The following ZNF664 variants were observed in gnomAD, a reference collection of about 807,000 sequenced individuals.
ZNF664 encodes the protein zinc finger protein 664.
A neutral mutation model predicts 18.2 loss-of-function variants in ZNF664; 10 were observed. The ratio of observed to expected loss-of-function variants is 0.55; its 90% CI spans 0.34 to 0.93. ZNF664 has a LOEUF of 0.93. Ranked by LOEUF, ZNF664 falls within the 40% of genes least tolerant of loss-of-function variation. The probability of loss-of-function intolerance (pLI) is 0.02; values close to 1 mark genes in which losing one functional copy is unlikely to be tolerated. For missense variants in ZNF664, 193 were observed against 319.0 expected (o/e 0.61, Z 3.01); for synonymous variants, 119 against 104.2 (o/e 1.14, Z -0.86).
chr12:124,006,019 T>G (rs1957069669), intron 3 of ZNF664: 1 of 152,448 alleles, frequency 6.6e-6, no homozygotes, highest in Non-Finnish European at 1.5e-5. Context: ...GTAGTCGGCA[T>G]CTGCTGGCTG....
intron 3 of ZNF664, chr12:123,998,557 A>G (rs1447220017): frequency 6.6e-6 from 1 of 152,392 alleles, no homozygotes; most frequent in African/African-American, 2.4e-5. Context: ...TTATGTGGCC[A>G]CTTCACTTTG....
chr12:123,992,901 T>A (rs981630833), intron 3 of ZNF664, among the ~76,000 whole-genome samples: 3 of 151,936 alleles, frequency 2.0e-5, no homozygotes, highest in Non-Finnish European at 4.4e-5. Flanking sequence ...CTACTCTGAG[T>A]GAAACTCTTC....
intron 2 of ZNF664, among the ~76,000 whole-genome samples, chr12:123,987,031 A>G (rs1399695149): frequency 2.0e-5 from 3 of 152,230 alleles, no homozygotes; most frequent in Non-Finnish European, 4.4e-5. Context: ...GCCACTCAGC[A>G]TAGTCTACAG....
intron 3 of ZNF664, among the ~76,000 whole-genome samples, chr12:124,007,055 G>A (rs1047211939): frequency 2.0e-5 from 3 of 152,208 alleles, no homozygotes; most frequent in Non-Finnish European, 4.4e-5. Context: ...AGGCGAGTCT[G>A]TACTGGAGAT....
At chr12:123,992,993 A>G (rs756927989) in intron 3 of ZNF664, among the ~76,000 whole-genome samples, 2 of 152,178 alleles carry the variant, frequency 1.3e-5, no homozygotes, top group Non-Finnish European at 2.9e-5. Context: ...CACTTCTGTG[A>G]GTGATAAGCA....
At chr12:123,980,044 T>A (rs1189981489) in intron 2 of ZNF664, among the ~76,000 whole-genome samples, 1 of 152,198 alleles carries the variant, frequency 6.6e-6, no homozygotes, top group Admixed American at 6.5e-5. Flanking sequence ...TATGGATGTC[T>A]AGAATATACT....
intron 3 of ZNF664, among the ~76,000 whole-genome samples, chr12:123,992,541 TC>T (rs1220609796): frequency 1.3e-5 from 2 of 152,176 alleles, no homozygotes; most frequent in Non-Finnish European, 2.9e-5. Flanking sequence ...GGGAAGTTGT[TC>T]CTAGTATCAC....
intron 1 of ZNF664, chr12:123,973,612 C>CG (rs1264077530): frequency 2.3e-6 from 1 of 426,966 alleles, no homozygotes; most frequent in Non-Finnish European, 3.2e-6. Flanking sequence ...GGAGCGGGGC[C>CG]GGGGGGCGCA....
chr12:123,988,120 TTTTGATCCTG>T lies in ZNF664; in HGVS notation c.-677_-668del. ...CTGTTCTTCTGGAATGTCTTGGGGG[TTTTGATCCTG>T]TCACTGTGGTAAGTTTTCCCCTTGT... On this transcript the variant is annotated 5_prime_UTR_variant, in exon 3 of 5. The change abolishes the stop of an existing upstream ORF in the 5' untranslated region. Coordinates refer to ENST00000337815, the MANE Select transcript of ZNF664 (RefSeq NM_152437.3). 1 of 1,231,532 alleles carries T rather than the reference TTTTGATCCTG, an allele frequency of 8.1e-7. No homozygotes were observed. Among genetic ancestry groups the T allele is most frequent in the Non-Finnish European group, 1.0e-6 (1 of 987,850 alleles). 76.3% of individuals were successfully genotyped at this position (1,231,532 alleles called of 1,614,324 possible).
rs1320991409 is a variant in ZNF664 at position 123,973,245 on chromosome 12, G to A, written c.-999G>A. ...GTCCCCCGGAGGCGTCTGGGTGTGC[G>A]GAGCGCGCGCGCGCGCGGCTCGGAG... On this transcript the variant is annotated 5_prime_UTR_variant, in exon 1 of 5. Coordinates refer to ENST00000337815, the MANE Select transcript of ZNF664 (RefSeq NM_152437.3). The A allele has an allele frequency of 2.0e-6, 2 of 992,004 alleles. No homozygotes were observed. The highest frequency in any genetic ancestry group is 2.4e-6 in the Non-Finnish European group (2 of 836,504). 61.5% of individuals were successfully genotyped at this position (992,004 alleles called of 1,614,324 possible). A position where few individuals can be genotyped will look rare whatever the true frequency, so the allele number is the denominator to read the frequency against.
rs11836541 is a variant in ZNF664 at position 123,975,699 on chromosome 12, A to G, written c.-757+1679A>G. Among the ~76,000 whole-genome samples the G allele has an allele frequency of 1.8e-3, 280 of 152,364 alleles. 3 individuals are homozygous for G. The highest frequency in any genetic ancestry group is 6.3e-3 in the African/African-American group (261 of 41,582). ...CCAAAGTGTTGGGATTACAGGTGTGAGCCACTGTGCCCAGCCCCTAGTGGT... is the reference window on the plus strand; with the variant it reads ...CCAAAGTGTTGGGATTACAGGTGTGGGCCACTGTGCCCAGCCCCTAGTGGT... On this transcript the variant is annotated intron_variant, in intron 2 of 4. Transcript: ENST00000337815.
intron 2 of ZNF664, among the ~76,000 whole-genome samples, chr12:123,986,695 C>T (rs1163092249): frequency 6.6e-6 from 1 of 152,192 alleles, no homozygotes; most frequent in Admixed American, 6.5e-5. Context: ...GATGTCTGCA[C>T]TTGGTCTCAG....
intron 3 of ZNF664, among the ~76,000 whole-genome samples, chr12:124,008,192 C>CT (rs1166552546): frequency 5.9e-5 from 9 of 152,080 alleles, no homozygotes; most frequent in African/African-American, 2.2e-4. Context: ...TGTAGAGTGG[C>CT]TCACCTTTTG....
chr12:123,984,224 A>G (rs905213858), intron 2 of ZNF664, among the ~76,000 whole-genome samples: 2 of 152,214 alleles, frequency 1.3e-5, no homozygotes, highest in African/African-American at 4.8e-5. Context: ...CCAACTGATA[A>G]TACTGGGTTT....
chr12:124,005,039 C>T (rs1028747491), intron 3 of ZNF664: 2 of 153,202 alleles, frequency 1.3e-5, no homozygotes, highest in African/African-American at 2.4e-5. Context: ...AAACCATCAC[C>T]CCTGCCCCCA....
At chr12:124,010,581 G>A (rs1444503424) in intron 3 of ZNF664, among the ~76,000 whole-genome samples, 1 of 152,196 alleles carries the variant, frequency 6.6e-6, no homozygotes, top group East Asian at 1.9e-4. Context: ...CAGGATATGT[G>A]TGTGGGTGCC....
At chr12:123,982,718 C>T (rs953418257) in intron 2 of ZNF664, among the ~76,000 whole-genome samples, 5 of 152,214 alleles carry the variant, frequency 3.3e-5, no homozygotes, top group East Asian at 1.9e-4. Flanking sequence ...GGAGTGCAGA[C>T]GAGGACACTC....
At chr12:123,994,514 A>C (rs968715141) in intron 3 of ZNF664, among the ~76,000 whole-genome samples, 4 of 152,216 alleles carry the variant, frequency 2.6e-5, no homozygotes, top group Non-Finnish European at 5.9e-5. Context: ...CAACTCTTTA[A>C]ATGTATGGAG....
chr12:123,974,030 C>T lies in ZNF664; in HGVS notation c.-757+10C>T. 1 of 1,004,150 alleles carries T rather than the reference C, an allele frequency of 1.0e-6. No individual in the cohort carries two copies. The highest frequency in any genetic ancestry group is 1.3e-6 in the Non-Finnish European group (1 of 788,302). 62.2% of individuals were successfully genotyped at this position (1,004,150 alleles called of 1,614,324 possible). On this transcript the variant is annotated intron_variant, in intron 2 of 4. Transcript: ENST00000337815. ...CCGGATTCTCACCCAGGTAAACCGG[C>T]TGCCGGCGCTGTCCACTTCCCTCTG...
Sources: gnomAD v4.1 joint callset for allele counts (sites outside exome capture counted in the v4.1 genomes callset) on GRCh38, gnomAD v4.1.1 for gene constraint, MANE v1.5 for transcripts, NCBI Gene and HGNC (gene_info 2026-07-23, HGNC 2026-07-21) for gene names.